STX3: variants seen among roughly 807,000 people sequenced by gnomAD.
The protein encoded by STX3 is syntaxin-3.
In STX3, 19 loss-of-function variants were observed where a neutral mutation model predicts 40.2. That is an observed-to-expected ratio of 0.47 (90% CI 0.33 to 0.69). STX3 has a LOEUF of 0.69. STX3 is among the 30% of genes least tolerant of loss of function. STX3 has a pLI of 0.02. For missense variants in STX3, 364 were observed against 366.7 expected, an observed-to-expected ratio of 0.99 and a Z score of 0.06; for synonymous variants, 122 against 132.2, an observed-to-expected ratio of 0.92 and a Z score of 0.53.
intron 2 of STX3, among the ~76,000 whole-genome samples, chr11:59,779,038 A>C (rs975838369): frequency 2.0e-5 from 3 of 152,044 alleles, no homozygotes; most frequent in African/African-American, 7.2e-5. Context: ...GGGTTTCACC[A>C]TGTTGGTCAG....
Position 59,781,775 on chromosome 11 carries a change from G to A in STX3, c.115-5262G>A, listed in dbSNP as rs1361595440. 3 of 1,524,510 alleles carry A rather than the reference G, an allele frequency of 2.0e-6. No homozygotes were observed. In the East Asian group the frequency reaches 7.3e-5, roughly 37 times the overall value. 94.4% of individuals were successfully genotyped at this position (1,524,510 alleles called of 1,614,324 possible). ...AGCAACATTTGTTTTCTAAAGCAAA[G>A]AAGCAAACAAATTAAAGAGGACTTG... is the stretch of plus-strand genomic sequence containing the variant. On this transcript the variant is annotated intron_variant, in intron 2 of 10. Transcript: ENST00000337979.
Position 59,755,461 on chromosome 11 carries a change from G to C in STX3, c.-145G>C. On this transcript the variant is annotated 5_prime_UTR_variant, in exon 1 of 11. Coordinates refer to ENST00000337979, the MANE Select transcript of STX3 (RefSeq NM_004177.5). ...GCCTCGGACGCTCCTCCTAGCTAGC[G>C]GCCGCCGCCCGCCGCCGCCTGCGCC... 1.0e-6 allele frequency: 1 copy of C among 999,308 alleles called. No individual in the cohort carries two copies. Among genetic ancestry groups the C allele is most frequent in the Non-Finnish European group, 1.3e-6 (1 of 742,374 alleles). The allele number at this position is 999,308 out of a possible 1,614,324, so 61.9% of individuals were successfully genotyped here.
Position 59,801,887 on chromosome 11 carries a change from A to T in STX3, c.*1063A>T. On this transcript the variant is annotated 3_prime_UTR_variant, in exon 11 of 11. Coordinates refer to ENST00000337979, the MANE Select transcript of STX3 (RefSeq NM_004177.5). ...GTAAAGGACATTTGCTTACCTGCAA[A>T]TGAATCACTGTGGAAATGTGATCTT... The T allele has an allele frequency of 4.1e-6, 4 of 985,564 alleles. No individual in the cohort carries two copies. Among genetic ancestry groups the T allele is most frequent in the Non-Finnish European group, 3.6e-6 (3 of 829,916 alleles). 61.1% of individuals were successfully genotyped at this position (985,564 alleles called of 1,614,324 possible).
chr11:59,772,349 C>T (rs545628554), intron 1 of STX3, among the ~76,000 whole-genome samples: 1 of 152,306 alleles, frequency 6.6e-6, no homozygotes, highest in Admixed American at 6.5e-5. Context: ...GGAATGGAAT[C>T]ACTTCCTTTA....
chr11:59,791,996 T>G (rs1865198233), intron 5 of STX3, 111 bp from the exon 6 acceptor site: 6 of 899,540 alleles, frequency 6.7e-6, no homozygotes, highest in Non-Finnish European at 8.9e-6. Flanking sequence ...GACACCTGGT[T>G]TTTTGATTCC....
chr11:59,802,961 G>A lies in STX3; in HGVS notation c.*2137G>A, dbSNP rs1865948803. On this transcript the variant is annotated 3_prime_UTR_variant, in exon 11 of 11. Transcript: ENST00000337979. ...GAGTATCTGGCTTTAGGAGGAAATGGGGGAGATCTGTCACGATGTTATCTA... is the reference window on the plus strand; with the variant it reads ...GAGTATCTGGCTTTAGGAGGAAATGAGGGAGATCTGTCACGATGTTATCTA... The A allele has an allele frequency of 1.0e-6, 1 of 985,232 alleles. No homozygotes were observed. Among genetic ancestry groups the A allele is most frequent in the African/African-American group, 1.7e-5 (1 of 57,202 alleles). The allele number at this position is 985,232 out of a possible 1,614,324, so 61.0% of individuals were successfully genotyped here. A position where few individuals can be genotyped will look rare whatever the true frequency, so the allele number is the denominator to read the frequency against.
At chr11:59,788,294 ACT>A (rs1864901998) in intron 3 of STX3, among the ~76,000 whole-genome samples, 1 of 151,960 alleles carries the variant, frequency 6.6e-6, no homozygotes, top group South Asian at 2.1e-4. Context: ...CTCCCACTAG[ACT>A]CTAACACCTT....
intron 5 of STX3, 65 bp from the exon 6 acceptor site, chr11:59,792,041 TG>T: frequency 8.0e-7 from 1 of 1,246,576 alleles, no homozygotes; most frequent in Non-Finnish European, 1.2e-6. Context: ...TATGTGGGGG[TG>T]GGGAGGGGTT....
chr11:59,796,077 C>A (rs890943234), intron 9 of STX3, among the ~76,000 whole-genome samples: 2 of 152,224 alleles, frequency 1.3e-5, no homozygotes, highest in African/African-American at 4.8e-5. Context: ...TCCAGGCGCC[C>A]AAGCTCCGCC....
At position 59,805,189 on chromosome 11, in the gene STX3, A is replaced by AAAAAAAAAC. The variant is rs750358696; in HGVS notation, c.*4368_*4369insAAAAACAAA. 1 of 149,584 alleles carries AAAAAAAAAC rather than the reference A, an allele frequency of 6.7e-6. No individual in the cohort carries two copies. The highest frequency in any genetic ancestry group is 2.5e-5 in the African/African-American group (1 of 40,238). The allele number at this position is 149,584 out of a possible 1,614,324, so 9.3% of individuals were successfully genotyped here. ...CTAAATTCCATCTAAAAAAAAAAAA[A>AAAAAAAAAC]AAACAAAAAAAAAAAACTGTTCTTA... is the stretch of plus-strand genomic sequence containing the variant. On this transcript the variant is annotated 3_prime_UTR_variant, in exon 11 of 11. Coordinates refer to ENST00000337979, the MANE Select transcript of STX3 (RefSeq NM_004177.5).
intron 1 of STX3, among the ~76,000 whole-genome samples, chr11:59,772,534 A>G (rs1192342719): frequency 3.3e-5 from 5 of 152,160 alleles, no homozygotes; most frequent in African/African-American, 9.7e-5. Context: ...AAAACAGGAA[A>G]ATCTTTACTC....
At chr11:59,781,115 C>A (rs1590792969) in intron 2 of STX3, among the ~76,000 whole-genome samples, 1 of 124,198 alleles carries the variant, frequency 8.1e-6, no homozygotes, top group Non-Finnish European at 1.6e-5. Context: ...TTAGCACAAA[C>A]ACATTTATTT....
At chr11:59,760,226 G>A (rs1296645765) in intron 1 of STX3, among the ~76,000 whole-genome samples, 1 of 152,104 alleles carries the variant, frequency 6.6e-6, no homozygotes, top group Non-Finnish European at 1.5e-5. Context: ...AGCTAAGGGA[G>A]GGACACTTGT....
chr11:59,800,330 C>T, intron 10 of STX3: 2 of 985,348 alleles, frequency 2.0e-6, no homozygotes, highest in Non-Finnish European at 2.4e-6. Context: ...TCATAGTATC[C>T]TCATTTTACA....
chr11:59,793,046 A>T (rs1483151478), intron 6 of STX3, 53 bp from the exon 7 acceptor site: 3 of 1,578,300 alleles, frequency 1.9e-6, no homozygotes, highest in Non-Finnish European at 2.6e-6. Context: ...TCCTTATCAG[A>T]TGGTGTTTCA....
intron 2 of STX3, among the ~76,000 whole-genome samples, chr11:59,774,267 A>G (rs1200929420): frequency 6.6e-6 from 1 of 152,018 alleles, no homozygotes; most frequent in Non-Finnish European, 1.5e-5. Context: ...GAAGCTGTTG[A>G]TTTCATGAAC....
chr11:59,785,323 T>G (rs1393948036), intron 2 of STX3, among the ~76,000 whole-genome samples: 1 of 152,150 alleles, frequency 6.6e-6, no homozygotes, highest in Non-Finnish European at 1.5e-5. Flanking sequence ...ATTTTCTTTC[T>G]TTTCCCTTTT....
rs1397821214 is a variant in STX3, at chr11:59,803,500, G to A, written c.*2676G>A. Among the ~76,000 whole-genome samples the A allele has an allele frequency of 6.6e-6, 1 of 152,162 alleles. No homozygotes were observed. The highest frequency in any genetic ancestry group is 2.4e-5 in the African/African-American group (1 of 41,426). ...AGGTAGTCTGTGGGAGGAGGGGGGA[G>A]ACAGAAGGTGGCAATCTGTCCTATA... On this transcript the variant is annotated 3_prime_UTR_variant, in exon 11 of 11. Transcript: ENST00000337979.
chr11:59,761,690 G>A (rs1863046276), intron 1 of STX3, among the ~76,000 whole-genome samples: 1 of 152,040 alleles, frequency 6.6e-6, no homozygotes, highest in Non-Finnish European at 1.5e-5. Context: ...CATTTCCATG[G>A]CAACTTTCCC....
Sources: gnomAD v4.1 joint callset for allele counts (sites outside exome capture counted in the v4.1 genomes callset) on GRCh38, gnomAD v4.1.1 for gene constraint, MANE v1.5 for transcripts, NCBI Gene and HGNC (gene_info 2026-07-23, HGNC 2026-07-21) for gene names.